OPCML: variants seen among roughly 807,000 people sequenced by gnomAD.
OPCML encodes the protein opioid-binding protein/cell adhesion molecule.
In OPCML, 13 loss-of-function variants were observed where a neutral mutation model predicts 37.8. The observed-to-expected ratio is 0.34, with a 90% CI of 0.22 to 0.55. The LOEUF is 0.55. OPCML is among the 20% of genes least tolerant of loss of function. The pLI is 0.91. For missense variants in OPCML, 341 were observed against 435.6 expected (o/e 0.78, Z 1.93); for synonymous variants, 176 against 168.8 (o/e 1.04, Z -0.33).
chr11:132,679,791 G>A (rs919669913), intron 2 of OPCML, among the ~76,000 whole-genome samples: 2 of 152,184 alleles, frequency 1.3e-5, no homozygotes, highest in African/African-American at 2.4e-5. Context: ...AAAGGGAGGA[G>A]TGTGCCTAAT....
chr11:133,077,174 A>C (rs1948633776), intron 1 of OPCML, among the ~76,000 whole-genome samples: 1 of 151,892 alleles, frequency 6.6e-6, no homozygotes, highest in South Asian at 2.1e-4. Flanking sequence ...GCTCATTTAG[A>C]ACTCAACCCT....
intron 1 of OPCML, among the ~76,000 whole-genome samples, chr11:133,514,336 T>C (rs1419569341): frequency 6.6e-6 from 1 of 152,232 alleles, no homozygotes; most frequent in African/African-American, 2.4e-5. Flanking sequence ...CTCTGGAATG[T>C]GGGCTTGATT....
intron 1 of OPCML, among the ~76,000 whole-genome samples, chr11:133,507,709 C>T (rs990173532): frequency 2.6e-5 from 4 of 152,054 alleles, no homozygotes; most frequent in Admixed American, 2.6e-4. Context: ...CTTTGGGAGG[C>T]CGAGGCGGGC....
At chr11:133,394,312 T>C (rs1945240920) in intron 1 of OPCML, among the ~76,000 whole-genome samples, 1 of 152,184 alleles carries the variant, frequency 6.6e-6, no homozygotes, top group South Asian at 2.1e-4. Flanking sequence ...TATGTATGGG[T>C]TACATGAGAT....
At chr11:132,741,330 T>C (rs1945426898) in intron 2 of OPCML, among the ~76,000 whole-genome samples, 1 of 152,186 alleles carries the variant, frequency 6.6e-6, no homozygotes, top group Non-Finnish European at 1.5e-5. Flanking sequence ...CTCATATACC[T>C]GAATCTTTTC....
At chr11:132,518,367 G>A (rs142888642) in intron 4 of OPCML, among the ~76,000 whole-genome samples, 20 of 152,144 alleles carry the variant, frequency 1.3e-4, no homozygotes, top group Admixed American at 8.5e-4. Context: ...GAGGATGATG[G>A]CTTCCAGCTT....
At chr11:133,193,889 T>C (rs944694950) in intron 1 of OPCML, among the ~76,000 whole-genome samples, 5 of 152,164 alleles carry the variant, frequency 3.3e-5, no homozygotes, top group African/African-American at 1.2e-4. Context: ...CAATAATCAA[T>C]GTCCTATATG....
At chr11:132,658,476 C>A (rs1195587254) in intron 2 of OPCML, among the ~76,000 whole-genome samples, 1 of 152,142 alleles carries the variant, frequency 6.6e-6, no homozygotes, top group Non-Finnish European at 1.5e-5. Context: ...TCTCACCTGG[C>A]CTGCATGGCT....
At chr11:133,267,846 T>G (rs554918379) in intron 1 of OPCML, among the ~76,000 whole-genome samples, 1 of 152,202 alleles carries the variant, frequency 6.6e-6, no homozygotes, top group South Asian at 2.1e-4. Flanking sequence ...CCTGCCACCA[T>G]GTAAGATGTG....
At chr11:133,472,003 T>C (rs1296287164) in intron 1 of OPCML, among the ~76,000 whole-genome samples, 1 of 152,236 alleles carries the variant, frequency 6.6e-6, no homozygotes, top group Non-Finnish European at 1.5e-5. Context: ...ATCTTTCTAT[T>C]GCACTTTGTG....
At chr11:133,509,837 A>G (rs1487091269) in intron 1 of OPCML, among the ~76,000 whole-genome samples, 1 of 151,616 alleles carries the variant, frequency 6.6e-6, no homozygotes. Context: ...GTCTCCATTT[A>G]CTCCACGAGT....
chr11:132,797,863 G>T (rs149204823), intron 2 of OPCML, among the ~76,000 whole-genome samples: 1 of 152,112 alleles, frequency 6.6e-6, no homozygotes. Flanking sequence ...GACTGATCAG[G>T]GTGGTGGTTG....
At chr11:132,824,982 A>C (rs1940212214) in intron 2 of OPCML, among the ~76,000 whole-genome samples, 1 of 152,126 alleles carries the variant, frequency 6.6e-6, no homozygotes, top group East Asian at 1.9e-4. Context: ...CAGAGCAGAG[A>C]GGGCTTCTCT....
chr11:133,257,723 T>C (rs558789751), intron 1 of OPCML, among the ~76,000 whole-genome samples: 3 of 152,338 alleles, frequency 2.0e-5, no homozygotes, highest in African/African-American at 7.2e-5. Flanking sequence ...CATTCTGGCA[T>C]TGATAACAAT....
At chr11:133,046,379 T>C (rs1948016393) in intron 1 of OPCML, among the ~76,000 whole-genome samples, 1 of 152,214 alleles carries the variant, frequency 6.6e-6, no homozygotes, top group African/African-American at 2.4e-5. Context: ...GCCAGTCCGC[T>C]AAAGAACATC....
At chr11:133,516,902 A>G (rs1265485427) in intron 1 of OPCML, among the ~76,000 whole-genome samples, 1 of 152,150 alleles carries the variant, frequency 6.6e-6, no homozygotes, top group Non-Finnish European at 1.5e-5. Flanking sequence ...CATTTTTACC[A>G]CAAAGGTAGC....
chr11:132,830,334 A>G (rs1298687203), intron 2 of OPCML, among the ~76,000 whole-genome samples: 1 of 152,194 alleles, frequency 6.6e-6, no homozygotes, highest in Non-Finnish European at 1.5e-5. Context: ...ATCTCAACAT[A>G]CCCATAAAGC....
chr11:132,925,294 C>T (rs1273308566), intron 2 of OPCML, among the ~76,000 whole-genome samples: 3 of 152,190 alleles, frequency 2.0e-5, no homozygotes, highest in Non-Finnish European at 2.9e-5. Context: ...TCTGTCTCTT[C>T]GAACTCTGTT....
intron 1 of OPCML, among the ~76,000 whole-genome samples, chr11:133,156,544 G>A (rs1172187203): frequency 6.6e-6 from 1 of 152,186 alleles, no homozygotes; most frequent in Non-Finnish European, 1.5e-5. Context: ...AGACTTTCTG[G>A]GGAGCAAGAG....
Sources: allele counts gnomAD v4.1 joint callset (sites outside exome capture counted in the v4.1 genomes callset), GRCh38; gene constraint gnomAD v4.1.1; transcripts MANE v1.5; gene names NCBI Gene and HGNC (gene_info 2026-07-23, HGNC 2026-07-21).